AACS: variants seen among roughly 807,000 people sequenced by gnomAD.
The protein encoded by AACS is acetoacetyl-CoA synthetase, also known as acetoacetate-CoA ligase.
In AACS, 69 loss-of-function variants were observed where a neutral mutation model predicts 83.1. That is an observed-to-expected ratio of 0.83 (90% confidence interval 0.68 to 1.01). The LOEUF is 1.01. Among genes scored for constraint, AACS ranks in the 50% least tolerant of loss-of-function variants. The pLI is 0.00. For synonymous variants in AACS, 333 were observed against 343.4 expected, an observed-to-expected ratio of 0.97 and a Z score of 0.33; for missense variants, 866 against 882.2, an observed-to-expected ratio of 0.98 and a Z score of 0.23.
chr12:125,117,382 C>T (rs1327425008), intron 9 of AACS, among the ~76,000 whole-genome samples: 1 of 151,912 alleles, frequency 6.6e-6, no homozygotes, highest in African/African-American at 2.4e-5. Context: ...CCACTGCACT[C>T]CAGCCTAGGT....
rs1367202182 is a variant in AACS, at chr12:125,142,253, C to T, written c.*24C>T. ...GAGTCAGACTGGCTGGCGTGTCACT[C>T]AGCCGCACCCGTGTGCACTGTAACT... On this transcript the variant is annotated 3_prime_UTR_variant, in exon 18 of 18. Transcript: ENST00000316519. 6.2e-7 allele frequency: 1 copy of T among 1,612,404 alleles called. No homozygotes were observed. The highest frequency in any genetic ancestry group is 8.5e-7 in the Non-Finnish European group (1 of 1,178,936).
rs1956999212 is a variant in AACS, at chr12:125,113,891, C to T, written c.916-586C>T. ...GCACCAAAATTAAAAGGTAATAGGG[C>T]ATAGTGGGTGGGAGGGAGCGGTTCT... On this transcript the variant is annotated intron_variant, in intron 8 of 17. Coordinates refer to ENST00000316519, the MANE Select transcript of AACS (RefSeq NM_023928.5). This position sits in a 1 kb window ranked among gnomAD's most constrained non-coding sequence, Gnocchi z 4.8. 1.3e-5 allele frequency among the ~76,000 whole-genome samples: 2 copies of T among 152,080 alleles called. No homozygotes were observed. Among genetic ancestry groups the T allele is most frequent in the African/African-American group, 4.8e-5 (2 of 41,432 alleles).
In AACS at chr12:125,142,334, C is replaced by T; in HGVS notation, c.*105C>T. On this transcript the variant is annotated 3_prime_UTR_variant, in exon 18 of 18. Transcript: ENST00000316519. ...TACAGCTGTTGTAAAAGGATGCTCG[C>T]ACCAAGTGTTCTGTAGGCTTGGGGA... 2.7e-6 allele frequency: 4 copies of T among 1,479,072 alleles called. No individual in the cohort carries two copies. Among genetic ancestry groups the T allele is most frequent in the South Asian group, 1.3e-5 (1 of 77,406 alleles). The allele number at this position is 1,479,072 out of a possible 1,614,324, so 91.6% of individuals were successfully genotyped here. A position where few individuals can be genotyped will look rare whatever the true frequency, so the allele number is the denominator to read the frequency against.
At chr12:125,071,566 T>G (rs1454570124) in intron 1 of AACS, among the ~76,000 whole-genome samples, 1 of 152,194 alleles carries the variant, frequency 6.6e-6, no homozygotes, top group Non-Finnish European at 1.5e-5. Context: ...CTTTTAAGTG[T>G]GAGCAGCTTG....
chr12:125,067,985 C>T (rs550100792), intron 1 of AACS, among the ~76,000 whole-genome samples: 1 of 152,310 alleles, frequency 6.6e-6, no homozygotes, highest in African/African-American at 2.4e-5. Context: ...AGGAGATGGT[C>T]AAGCCCAGTG....
intron 3 of AACS, among the ~76,000 whole-genome samples, chr12:125,082,064 G>A (rs530798868): frequency 1.3e-5 from 2 of 151,738 alleles, no homozygotes; most frequent in East Asian, 1.9e-4. Flanking sequence ...TTAGTAGAGA[G>A]GGGTTCCACC....
chr12:125,101,253 C>T (rs184396831), intron 5 of AACS: 2 of 152,322 alleles, frequency 1.3e-5, no homozygotes, highest in Non-Finnish European at 2.9e-5. Flanking sequence ...GACTAACACT[C>T]AGGGAGTGTC....
chr12:125,106,171 A>G (rs746635137), intron 7 of AACS, among the ~76,000 whole-genome samples: 1 of 152,236 alleles, frequency 6.6e-6, no homozygotes, highest in Non-Finnish European at 1.5e-5. Context: ...CGTTTAACTG[A>G]TTCCCACCTC....
At chr12:125,087,734 A>G (rs145429089) in intron 4 of AACS, among the ~76,000 whole-genome samples, 32 of 152,342 alleles carry the variant, frequency 2.1e-4, no homozygotes, top group African/African-American at 7.5e-4. Flanking sequence ...CTTGTCATCT[A>G]TAAGTGCAGT....
chr12:125,101,218 TA>T (rs1956701542), intron 5 of AACS: 1 of 152,244 alleles, frequency 6.6e-6, no homozygotes, highest in Non-Finnish European at 1.5e-5. Flanking sequence ...CTAACATTAA[TA>T]ATCTGTTAAT....
chr12:125,083,938 G>A (rs542142775), intron 3 of AACS, among the ~76,000 whole-genome samples: 1 of 152,238 alleles, frequency 6.6e-6, no homozygotes, highest in South Asian at 2.1e-4. Flanking sequence ...ACAGGCGTGA[G>A]CCACCGTGCC....
chr12:125,133,979 C>T (rs74681613), intron 14 of AACS, 24 bp from the exon 15 acceptor site: 145 of 1,613,452 alleles, frequency 9.0e-5, no homozygotes, highest in East Asian at 3.6e-4. Flanking sequence ...TCGGGATGAC[C>T]GGGCACCTCT....
chr12:125,107,403 C>T, intron 8 of AACS, 135 bp downstream of exon 8: 1 of 1,225,230 alleles, frequency 8.2e-7, no homozygotes, highest in Non-Finnish European at 1.1e-6. Flanking sequence ...CAGCTTCTCT[C>T]CAAGTGGGGT....
rs114790129 is a variant in AACS at position 125,072,376 on chromosome 12, G to A, written c.134-1500G>A. The stretch of plus-strand genomic sequence containing the variant: ...ACACTGCTGAAGGGCAGGGAGCATC[G>A]TGTCTCTTCTTGTCTTCCCCACCGG... On this transcript the variant is annotated intron_variant, in intron 1 of 17. Coordinates refer to ENST00000316519, the MANE Select transcript of AACS (RefSeq NM_023928.5). Among the ~76,000 whole-genome samples the A allele has an allele frequency of 6.3e-3, 954 of 152,284 alleles. 12 individuals are homozygous for A. Among genetic ancestry groups the A allele is most frequent in the African/African-American group, 0.022 (912 of 41,550 alleles).
intron 14 of AACS, among the ~76,000 whole-genome samples, chr12:125,132,428 G>A (rs886746414): frequency 6.6e-6 from 1 of 152,224 alleles, no homozygotes; most frequent in Non-Finnish European, 1.5e-5. Context: ...TGGCACCGAA[G>A]TGCCAGAATG....
chr12:125,082,957 C>T (rs1363208994), intron 3 of AACS, among the ~76,000 whole-genome samples: 1 of 152,226 alleles, frequency 6.6e-6, no homozygotes, highest in African/African-American at 2.4e-5. Flanking sequence ...TAGAAATTAT[C>T]TTCAAATCAT....
At chr12:125,105,553 C>T (rs1237318988) in intron 7 of AACS, 2 of 152,196 alleles carry the variant, frequency 1.3e-5, no homozygotes, top group Non-Finnish European at 2.9e-5. Flanking sequence ...CCTGGTTGGC[C>T]TGGCTATTTT....
chr12:125,123,759 G>A (rs1005419504), intron 10 of AACS: 1 of 152,244 alleles, frequency 6.6e-6, no homozygotes, highest in African/African-American at 2.4e-5. Context: ...CCTCCTCTAG[G>A]CCCCGAAGAG....
chr12:125,093,459 C>T (rs975818658), intron 5 of AACS, among the ~76,000 whole-genome samples: 2 of 152,252 alleles, frequency 1.3e-5, no homozygotes, highest in African/African-American at 4.8e-5. Context: ...GACTCCAGTC[C>T]GGCAGGATCT....
Sources: gnomAD v4.1 joint callset for allele counts (sites outside exome capture counted in the v4.1 genomes callset) on GRCh38, gnomAD v4.1.1 for gene constraint, Gnocchi (gnomAD v3.1) non-coding constraint, MANE v1.5 for transcripts, NCBI Gene and HGNC (gene_info 2026-07-23, HGNC 2026-07-21) for gene names.